CAPS: variants seen among roughly 807,000 people sequenced by gnomAD.
CAPS encodes calcyphosine, also known as calcyphosin.
In CAPS, 16 loss-of-function variants were observed where a neutral mutation model predicts 15.5. That is an observed-to-expected ratio of 1.03 (90% CI 0.70 to 1.57). The LOEUF is 1.57. Among genes scored for constraint, CAPS ranks in the 40% most tolerant of loss-of-function variants. The pLI is 0.00. For synonymous variants in CAPS, 121 were observed against 116.0 expected, an observed-to-expected ratio of 1.04 and a Z score of -0.28; for missense variants, 294 against 278.4, an observed-to-expected ratio of 1.06 and a Z score of -0.40.
At position 5,914,740 on chromosome 19, in the gene CAPS, G is replaced by C; in HGVS notation, c.261G>C (p.Arg87=). The change falls in exon 3 of 5, where the codon CGG becomes CGC. Residue 87 remains arginine (R), a splice_region_variant and synonymous_variant. Coordinates refer to ENST00000588776, the MANE Select transcript of CAPS (RefSeq NM_004058.5). ...TGGAGGAGTTCCTTCGGGCGCTGCG[G>C]GTGAGCCCCCACCTCACAGTCAAGG... ...LDLEEFLRAL[R]PPMSQAREAV... The C allele has an allele frequency of 6.2e-7, 1 of 1,606,234 alleles. No homozygotes were observed. The highest frequency in any genetic ancestry group is 8.5e-7 in the Non-Finnish European group (1 of 1,175,958).
Position 5,915,807 on chromosome 19 carries a change from A to T in CAPS, c.*485A>T, listed in dbSNP as rs541585161. ...AACTGAAATAAAGCCTTTGAAAAAA[A>T]AATCTGTAAAACATCAACCCCCAAT... is the stretch of plus-strand genomic sequence containing the variant. On this transcript the variant is annotated 3_prime_UTR_variant, in exon 5 of 5. Transcript: ENST00000588776. 1 of 154,516 alleles carries T rather than the reference A, an allele frequency of 6.5e-6. No homozygotes were observed. Among genetic ancestry groups the T allele is most frequent in the African/African-American group, 2.4e-5 (1 of 41,458 alleles). The allele number at this position is 154,516 out of a possible 1,614,324, so 9.6% of individuals were successfully genotyped here. A position where few individuals can be genotyped will look rare whatever the true frequency, so the allele number is the denominator to read the frequency against.
chr19:5,914,279 C>T lies in CAPS; in HGVS notation c.-53C>T. ...ACAACACAGCTAACACAAGGCCCCG[C>T]AGGCAGGACTCTGGGACAGACGCAG... On this transcript the variant is annotated 5_prime_UTR_variant, in exon 1 of 5. Transcript: ENST00000588776. 1.3e-6 allele frequency: 2 copies of T among 1,576,868 alleles called. No individual in the cohort carries two copies. The highest frequency in any genetic ancestry group is 1.7e-6 in the Non-Finnish European group (2 of 1,162,284).
Position 5,915,514 on chromosome 19 carries a change from C to G in CAPS, c.*192C>G. The G allele has an allele frequency of 1.7e-6, 1 of 579,050 alleles. No homozygotes were observed. Among genetic ancestry groups the G allele is most frequent in the South Asian group, 2.1e-5 (1 of 46,856 alleles). The allele number at this position is 579,050 out of a possible 1,614,324, so 35.9% of individuals were successfully genotyped here. A position where few individuals can be genotyped will look rare whatever the true frequency, so the allele number is the denominator to read the frequency against. ...ACCAGGCGGAGGTGGGACAAAGGTC[C>G]TAACAGGAGTCACTGGCTCAGGACC... is the stretch of plus-strand genomic sequence containing the variant. On this transcript the variant is annotated 3_prime_UTR_variant, in exon 5 of 5. Coordinates refer to ENST00000588776, the MANE Select transcript of CAPS (RefSeq NM_004058.5).
chr19:5,915,171 C>G, intron 4 of CAPS, 25 bp downstream of exon 4: 1 of 1,611,898 alleles, frequency 6.2e-7, no homozygotes. Context: ...GGGGGGCCCC[C>G]TCCCCAGGCA....
rs2057716047 is a variant in CAPS, at chr19:5,914,715, TGGA to T, written c.241_243del (p.Glu81del). ...CGCAATGGCAGCGGGACGCTGGATCTGGAGGAGTTCCTTCGGGCGCTGCGGGTG... is the reference window on the plus strand; with the variant it reads ...CGCAATGGCAGCGGGACGCTGGATCTGGAGTTCCTTCGGGCGCTGCGGGTG... On this transcript the variant is annotated inframe_deletion, in exon 3 of 5. Transcript: ENST00000588776. 3 of 1,612,962 alleles carry T rather than the reference TGGA, an allele frequency of 1.9e-6. No homozygotes were observed. Among genetic ancestry groups the T allele is most frequent in the Non-Finnish European group, 1.7e-6 (2 of 1,179,512 alleles).
rs910090680 is a variant in CAPS at position 5,915,662 on chromosome 19, C to A, written c.*340C>A. The A allele has an allele frequency of 8.0e-6, 2 of 250,224 alleles. No individual in the cohort carries two copies. The highest frequency in any genetic ancestry group is 1.6e-5 in the Non-Finnish European group (2 of 128,226). 15.5% of individuals were successfully genotyped at this position (250,224 alleles called of 1,614,324 possible). On this transcript the variant is annotated 3_prime_UTR_variant, in exon 5 of 5. Coordinates refer to ENST00000588776, the MANE Select transcript of CAPS (RefSeq NM_004058.5). ...ACTGCTGCTCCCTGCCCCTCCCTTG[C>A]GGGTCCCCCAGGAAGCCAGGTGACC...
Position 5,915,523 on chromosome 19 carries a change from G to A in CAPS, c.*201G>A. The A allele has an allele frequency of 1.8e-6, 1 of 570,336 alleles. No individual in the cohort carries two copies. Among genetic ancestry groups the A allele is most frequent in the South Asian group, 2.2e-5 (1 of 45,646 alleles). The allele number at this position is 570,336 out of a possible 1,614,324, so 35.3% of individuals were successfully genotyped here. A position where few individuals can be genotyped will look rare whatever the true frequency, so the allele number is the denominator to read the frequency against. On this transcript the variant is annotated 3_prime_UTR_variant, in exon 5 of 5. Transcript: ENST00000588776. The stretch of plus-strand genomic sequence containing the variant: ...AGGTGGGACAAAGGTCCTAACAGGA[G>A]TCACTGGCTCAGGACCCCAGGGAGA...
At chr19:5,914,840 A>G (rs1258036804) in intron 3 of CAPS, 100 bp downstream of exon 3, 148 of 1,537,924 alleles carry the variant, frequency 9.6e-5, no homozygotes, top group Admixed American at 1.7e-4. Flanking sequence ...AGCTGCTGTT[A>G]AGAGGCGCCT....
chr19:5,915,566 C>A lies in CAPS; in HGVS notation c.*244C>A. 2.0e-6 allele frequency: 1 copy of A among 497,226 alleles called. No homozygotes were observed. The highest frequency in any genetic ancestry group is 3.6e-6 in the Non-Finnish European group (1 of 275,954). 30.8% of individuals were successfully genotyped at this position (497,226 alleles called of 1,614,324 possible). ...CAGGGAGAAACGCTCTCCCCACCCACGCCATGCTGACCAGAGATCTTGCAG... is the reference window on the plus strand; with the variant it reads ...CAGGGAGAAACGCTCTCCCCACCCAAGCCATGCTGACCAGAGATCTTGCAG... On this transcript the variant is annotated 3_prime_UTR_variant, in exon 5 of 5. Coordinates refer to ENST00000588776, the MANE Select transcript of CAPS (RefSeq NM_004058.5).
Position 5,914,364 on chromosome 19 carries a change from C to T in CAPS, c.-22-21C>T, listed in dbSNP as rs755801187. ...AGGGTGGGCTTGCGGGAGTCCCCACCTTGACCTCTCTCCCTTCCAGCTGCC... is the reference window on the plus strand; with the variant it reads ...AGGGTGGGCTTGCGGGAGTCCCCACTTTGACCTCTCTCCCTTCCAGCTGCC... On this transcript the variant is annotated intron_variant, in intron 1 of 4. Coordinates refer to ENST00000588776, the MANE Select transcript of CAPS (RefSeq NM_004058.5). 9.3e-6 allele frequency: 15 copies of T among 1,612,864 alleles called. No homozygotes were observed. The African/African-American group carries it at 1.7e-4, about 19-fold the overall frequency.
At chr19:5,914,854 G>A in intron 3 of CAPS, 86 bp from the exon 4 acceptor site, 1 of 1,532,214 alleles carries the variant, frequency 6.5e-7, no homozygotes. Context: ...GGCGCCTGCT[G>A]GGGCATACAG....
chr19:5,914,806 C>A (rs868055405), intron 3 of CAPS, 66 bp downstream of exon 3: 1 of 1,555,740 alleles, frequency 6.4e-7, no homozygotes, highest in Non-Finnish European at 8.7e-7. Context: ...TGCTGAGATG[C>A]GGAGACGGGG....
At chr19:5,915,176 CA>C (rs745982313) in intron 4 of CAPS, 30 bp downstream of exon 4, 44 of 1,611,400 alleles carry the variant, frequency 2.7e-5, no homozygotes, top group Non-Finnish European at 3.6e-5. Context: ...GCCCCCTCCC[CA>C]GGCAGTTCCT....
Position 5,915,290 on chromosome 19 carries a change from G to C in CAPS, c.538G>C (p.Val180Leu). 1 of 1,612,126 alleles carries C rather than the reference G, an allele frequency of 6.2e-7. No individual in the cohort carries two copies. Among genetic ancestry groups the C allele is most frequent in the Non-Finnish European group, 8.5e-7 (1 of 1,179,704 alleles). ...SASMNTDEEF[V>L]AMMTSAWQL ...CTCCATGAACACGGATGAGGAGTTC[G>C]TGGCCATGATGACCAGTGCCTGGCA... Residue 180 changes from valine (V) to leucine (L), a missense_variant, in exon 5 of 5, where the codon GTG becomes CTG. Physicochemically the swap from Val to Leu is conservative, Grantham distance 32 (BLOSUM62 1). Coordinates refer to ENST00000588776, the MANE Select transcript of CAPS (RefSeq NM_004058.5).
chr19:5,914,930 C>G lies in CAPS; in HGVS notation c.262-10C>G. On this transcript the variant is annotated splice_polypyrimidine_tract_variant and intron_variant, in intron 3 of 4. Coordinates refer to ENST00000588776, the MANE Select transcript of CAPS (RefSeq NM_004058.5). ...TACCCACCACCCCCAGTCACCACCT[C>G]CTGTCCCAGCCCCCCATGTCCCAGG... 2 of 1,599,058 alleles carry G rather than the reference C, an allele frequency of 1.3e-6. No homozygotes were observed. The highest frequency in any genetic ancestry group is 1.7e-6 in the Non-Finnish European group (2 of 1,177,606).
rs777688727 is a variant in CAPS, at chr19:5,914,407, ATGGACGCCG to A, written c.6_14del (p.ValAspAla4_?6). 5.0e-6 allele frequency: 8 copies of A among 1,613,118 alleles called. No individual in the cohort carries two copies. In the South Asian group the frequency reaches 8.8e-5, roughly 18 times the overall value. On this transcript the variant is annotated start_lost and inframe_deletion, in exon 2 of 5. Coordinates refer to ENST00000588776, the MANE Select transcript of CAPS (RefSeq NM_004058.5). ...CAGCTGCCCAGAGCCCAGACCAAGC[ATGGACGCCG>A]TGGATGCCACCATGGAGAAACTCCG...
chr19:5,914,832 C>T, intron 3 of CAPS, 92 bp downstream of exon 3: 1 of 1,542,956 alleles, frequency 6.5e-7, no homozygotes, highest in Non-Finnish European at 8.7e-7. Context: ...TCCCTAAGAG[C>T]TGCTGTTAAG....
chr19:5,914,945 C>T lies in CAPS; in HGVS notation c.267C>T (p.Pro89=), dbSNP rs1432439554. 1 of 1,603,698 alleles carries T rather than the reference C, an allele frequency of 6.2e-7. No individual in the cohort carries two copies. The highest frequency in any genetic ancestry group is 2.2e-5 in the East Asian group (1 of 44,864). The change falls in exon 4 of 5, where the codon CCC becomes CCT. Residue 89 remains proline, a synonymous_variant. Transcript: ENST00000588776. ...GTCACCACCTCCTGTCCCAGCCCCC[C>T]ATGTCCCAGGCCCGGGAGGCTGTCA... ...LEEFLRALRP[P]MSQAREAVIA... is the part of the protein sequence containing the mutation.
At chr19:5,915,184 T>G (rs2057723039) in intron 4 of CAPS, 37 bp from the exon 5 acceptor site, 1 of 1,611,054 alleles carries the variant, frequency 6.2e-7, no homozygotes, top group Non-Finnish European at 8.5e-7. Flanking sequence ...CCCAGGCAGT[T>G]CCTCGGCCGT....
Sources: allele counts gnomAD v4.1 joint callset, GRCh38; gene constraint gnomAD v4.1.1; transcripts MANE v1.5; gene names NCBI Gene and HGNC (gene_info 2026-07-23, HGNC 2026-07-21).